PKHD1: variants seen among roughly 807,000 people sequenced by gnomAD.
PKHD1 encodes PKHD1 ciliary IPT domain containing fibrocystin/polyductin, also known as fibrocystin.
A neutral mutation model predicts 412.0 loss-of-function variants in PKHD1; 291 were observed. That is an observed-to-expected ratio of 0.71 (90% CI 0.64 to 0.78). The LOEUF (loss-of-function observed/expected upper bound fraction) is 0.78, where lower values mean the gene tolerates loss of function less well. PKHD1 is among the 30% of genes least tolerant of loss of function. PKHD1 has a pLI of 0.00. For missense variants in PKHD1, 4,825 were observed against 4,950.7 expected (o/e 0.97, Z 0.76); for synonymous variants, 1,777 against 1,821.5 (o/e 0.98, Z 0.62).
At chr6:51,993,660 C>G (rs968979328) in intron 35 of PKHD1, among the ~76,000 whole-genome samples, 3 of 152,180 alleles carry the variant, frequency 2.0e-5, no homozygotes, top group African/African-American at 7.2e-5. Context: ...ACAAATCCAC[C>G]AGGGATCTCC....
At chr6:52,079,834 C>T (rs1811795673) in intron 5 of PKHD1, 66 bp downstream of exon 5, 2 of 920,168 alleles carry the variant, frequency 2.2e-6, no homozygotes, top group South Asian at 1.3e-5. Flanking sequence ...TTACAATTTG[C>T]CTTTCAATAA....
chr6:51,769,890 T>C (rs578254976), intron 55 of PKHD1, among the ~76,000 whole-genome samples: 24 of 151,818 alleles, frequency 1.6e-4, no homozygotes, highest in African/African-American at 5.8e-4. Context: ...TTTTCTTGGA[T>C]ATAAAAGTTA....
At chr6:51,952,131 T>G (rs1790452420) in intron 36 of PKHD1, among the ~76,000 whole-genome samples, 1 of 152,194 alleles carries the variant, frequency 6.6e-6, no homozygotes, top group South Asian at 2.1e-4. Flanking sequence ...ATCTTTCATT[T>G]AAGGCTAATC....
intron 51 of PKHD1, among the ~76,000 whole-genome samples, chr6:51,834,652 G>T (rs1768869259): frequency 6.6e-6 from 1 of 152,010 alleles, no homozygotes; most frequent in Admixed American, 6.6e-5. Context: ...TTAAATTTTG[G>T]CACTAGCACA....
At chr6:51,626,971 G>T in intron 66 of PKHD1, 26 bp downstream of exon 66, 1 of 1,612,134 alleles carries the variant, frequency 6.2e-7, no homozygotes, top group South Asian at 1.1e-5. Flanking sequence ...TCTCCTGTGG[G>T]GATCATCTCC....
intron 60 of PKHD1, among the ~76,000 whole-genome samples, chr6:51,696,823 G>A (rs758519533): frequency 6.6e-5 from 10 of 152,086 alleles, no homozygotes; most frequent in South Asian, 2.1e-4. Flanking sequence ...CCAAACTGAC[G>A]ACCAATCCTT....
At chr6:51,635,880 G>GGGGGGGGGGGGGGGGGC (rs1768497980) in intron 64 of PKHD1, among the ~76,000 whole-genome samples, 1 of 123,398 alleles carries the variant, frequency 8.1e-6, no homozygotes, top group Admixed American at 8.3e-5. Context: ...GGGGGCCGGG[G>GGGGGGGGGGGGGGGGGC]GCGGATTTGT....
intron 16 of PKHD1, among the ~76,000 whole-genome samples, chr6:52,057,984 A>G (rs1253200700): frequency 3.3e-5 from 5 of 152,228 alleles, no homozygotes; most frequent in Non-Finnish European, 7.3e-5. Context: ...TCAGTCAAAA[A>G]TTATGGAATT....
Position 51,748,296 on chromosome 6 carries a change from C to T in PKHD1, c.9320G>A (p.Arg3107Gln), listed in dbSNP as rs751750213. The change falls in exon 58 of 67, where the codon CGA becomes CAA. Residue 3107 changes from arginine (R) to glutamine (Q), a missense_variant. Coordinates refer to ENST00000371117, the MANE Select transcript of PKHD1 (RefSeq NM_138694.4). ...AGSERLGFHI[R>Q]GHKCSSCELL... ...TTCACAAGAGGAGCACTTGTGGCCT[C>T]GGATGTGAAAGCCAAGTCTCTCTGA... is the stretch of plus-strand genomic sequence containing the variant. 2.7e-5 allele frequency: 44 copies of T among 1,613,898 alleles called. No homozygotes were observed. The South Asian group carries it at 3.2e-4, about 12-fold the overall frequency.
Position 52,084,937 on chromosome 6 carries a change from G to A in PKHD1, c.-4C>T. On this transcript the variant is annotated 5_prime_UTR_variant, in exon 2 of 67. Transcript: ENST00000371117. ...GAGAGATCAGCCAGGCAGTCATTCT[G>A]TCCACTTAAATCAATACTCTTAAGA... 2 of 1,594,018 alleles carry A rather than the reference G, an allele frequency of 1.3e-6. No homozygotes were observed. The highest frequency in any genetic ancestry group is 2.2e-5 in the East Asian group (1 of 44,752).
At chr6:52,057,695 G>A (rs766182591) in intron 16 of PKHD1, among the ~76,000 whole-genome samples, 5 of 152,286 alleles carry the variant, frequency 3.3e-5, no homozygotes, top group Non-Finnish European at 5.9e-5. Flanking sequence ...GATTACATGC[G>A]TGAGCCACCA....
chr6:51,899,574 A>G (rs1197297172), intron 43 of PKHD1, among the ~76,000 whole-genome samples: 2 of 151,162 alleles, frequency 1.3e-5, no homozygotes, highest in African/African-American at 2.4e-5. Flanking sequence ...TGAATGGGCA[A>G]AAACTGGAAG....
chr6:51,909,492 G>T lies in PKHD1; in HGVS notation c.6491-18C>A. On this transcript the variant is annotated intron_variant, in intron 39 of 66. Transcript: ENST00000371117. ...CAGATTACCTGAAATGCAAAATAAAGTCCAGAGAACCTAAAGCATGTAGAA... is the reference window on the plus strand; with the variant it reads ...CAGATTACCTGAAATGCAAAATAAATTCCAGAGAACCTAAAGCATGTAGAA... The T allele has an allele frequency of 6.2e-7, 1 of 1,602,486 alleles. No individual in the cohort carries two copies. Among genetic ancestry groups the T allele is most frequent in the Non-Finnish European group, 8.5e-7 (1 of 1,169,718 alleles).
intron 49 of PKHD1, among the ~76,000 whole-genome samples, chr6:51,854,682 G>C (rs1397719270): frequency 6.6e-6 from 1 of 152,198 alleles, no homozygotes; most frequent in Non-Finnish European, 1.5e-5. Context: ...GGATGGGTCA[G>C]AGTTAGGCCC....
chr6:51,638,359 T>G (rs990716261), intron 64 of PKHD1, among the ~76,000 whole-genome samples: 13 of 151,764 alleles, frequency 8.6e-5, no homozygotes, highest in Non-Finnish European at 1.8e-4. Context: ...CCAGAGGGTG[T>G]TTTTTTTACA....
At chr6:51,892,807 A>G (rs1779317334) in intron 43 of PKHD1, among the ~76,000 whole-genome samples, 1 of 152,152 alleles carries the variant, frequency 6.6e-6, no homozygotes, top group East Asian at 1.9e-4. Flanking sequence ...AGCTATCTCA[A>G]TTTTTCTCTT....
At chr6:51,793,791 T>G (rs4715235) in intron 52 of PKHD1, among the ~76,000 whole-genome samples, 89,869 of 151,976 alleles carry the variant, frequency 0.59, 27,227 homozygotes, top group East Asian at 0.83. Context: ...CATTTAAGTT[T>G]ATTTCATGTC....
chr6:52,029,129 T>C (rs1284851284), intron 29 of PKHD1, among the ~76,000 whole-genome samples: 2 of 152,164 alleles, frequency 1.3e-5, no homozygotes, highest in African/African-American at 4.8e-5. Context: ...CACACTATCC[T>C]GATGATTTAT....
intron 53 of PKHD1, among the ~76,000 whole-genome samples, chr6:51,786,644 T>C (rs1379536792): frequency 3.3e-5 from 5 of 152,176 alleles, no homozygotes; most frequent in Non-Finnish European, 7.3e-5. Flanking sequence ...TATGTACCTG[T>C]TCACATCTCT....
Sources: allele counts gnomAD v4.1 joint callset (sites outside exome capture counted in the v4.1 genomes callset), GRCh38; gene constraint gnomAD v4.1.1; transcripts MANE v1.5; gene names NCBI Gene and HGNC (gene_info 2026-07-23, HGNC 2026-07-21).